CYBB: variants seen among roughly 807,000 people sequenced by gnomAD.
CYBB encodes the protein cytochrome b-245 beta chain, also known as NADPH oxidase 2.
Under a neutral mutation model 46.5 loss-of-function variants are expected in CYBB, and 5 were observed. The ratio of observed to expected loss-of-function variants is 0.11; its 90% CI spans 0.06 to 0.23. The LOEUF is 0.23. CYBB is among the 10% of genes least tolerant of loss of function. CYBB has a pLI of 1.00. For synonymous variants in CYBB, 183 were observed against 156.7 expected (o/e 1.17, Z -1.26); for missense variants, 307 against 428.3 (o/e 0.72, Z 2.50).
chrX:37,806,357 A>G, intron 10 of CYBB, 30 bp from the exon 11 acceptor site: 1 of 1,206,408 alleles, frequency 8.3e-7, no homozygotes, highest in South Asian at 1.8e-5. Flanking sequence ...TGCCAAATAT[A>G]ATCTGCTTCA....
chrX:37,780,900 G>A (rs1439533921), intron 1 of CYBB, among the ~76,000 whole-genome samples: 1 of 111,213 alleles, frequency 9.0e-6, no homozygotes, highest in Non-Finnish European at 1.9e-5. Context: ...ATAGAAATAC[G>A]ATTTTTAAAT....
Position 37,783,517 on chromosome X carries a change from G to T in CYBB, c.169G>T (p.Ala57Ser), listed in dbSNP as rs1928998515. Reference protein sequence around the residue: ...GSALALARAPAACLNFNCMLI... With the variant: ...GSALALARAPSACLNFNCMLI... ...AGCACTGGCACTGGCCAGGGCCCCTGCAGCCTGCCTGAATTTCAACTGCAT... is the reference window on the plus strand; with the variant it reads ...AGCACTGGCACTGGCCAGGGCCCCTTCAGCCTGCCTGAATTTCAACTGCAT... The change falls in exon 3 of 13, where the codon GCA becomes TCA. Residue 57 changes from alanine to serine, a missense_variant. Transcript: ENST00000378588. The T allele has an allele frequency of 1.7e-6, 2 of 1,209,452 alleles. No homozygotes were observed. The highest frequency in any genetic ancestry group is 2.2e-6 in the Non-Finnish European group (2 of 893,430).
At chrX:37,790,992 T>C (rs1929186772) in intron 3 of CYBB, among the ~76,000 whole-genome samples, 1 of 111,676 alleles carries the variant, frequency 9.0e-6, no homozygotes, top group East Asian at 2.8e-4. Context: ...CTTTGAGCAT[T>C]GGCACGAATT....
chrX:37,804,830 C>T (rs928485811), intron 9 of CYBB, among the ~76,000 whole-genome samples, 176 bp from the exon 10 acceptor site: 1 of 111,633 alleles, frequency 9.0e-6, no homozygotes, highest in Non-Finnish European at 1.9e-5. Flanking sequence ...ACTTCCAAAC[C>T]CAACGTTGGC....
intron 3 of CYBB, among the ~76,000 whole-genome samples, chrX:37,783,880 A>G (rs971286695): frequency 9.0e-6 from 1 of 111,436 alleles, no homozygotes; most frequent in Non-Finnish European, 1.9e-5. Context: ...ACACACACAT[A>G]TATATATGAT....
In CYBB at chrX:37,787,331, C is replaced by T. The variant is rs946759232; in HGVS notation, c.252+3731C>T. Among the ~76,000 whole-genome samples the T allele has an allele frequency of 4.5e-5, 5 of 111,950 alleles. No individual in the cohort carries two copies. The South Asian group carries it at 1.1e-3, about 25-fold the overall frequency. ...ATCTAAATCAGATACATTGATGGTG[C>T]GTGTGGTGAGATCAAGTGTACAAAA... On this transcript the variant is annotated intron_variant, in intron 3 of 12. Coordinates refer to ENST00000378588, the MANE Select transcript of CYBB (RefSeq NM_000397.4).
chrX:37,808,479 A>G (rs1188098725), intron 11 of CYBB, among the ~76,000 whole-genome samples: 2 of 112,188 alleles, frequency 1.8e-5, no homozygotes, highest in East Asian at 2.8e-4. Context: ...ATACATAGAC[A>G]TTGACTCCAC....
At chrX:37,780,542 G>A (rs1556464231) in intron 1 of CYBB, among the ~76,000 whole-genome samples, 1 of 110,693 alleles carries the variant, frequency 9.0e-6, no homozygotes. Context: ...TGGGAAGTAG[G>A]CCTTTATTTC....
chrX:37,791,901 G>A (rs1929204794), intron 3 of CYBB, 74 bp from the exon 4 acceptor site: 1 of 730,767 alleles, frequency 1.4e-6, no homozygotes, highest in Non-Finnish European at 2.2e-6. Flanking sequence ...GAGATAATAT[G>A]TATCAAATGT....
chrX:37,802,044 G>A (rs782130158), intron 8 of CYBB, among the ~76,000 whole-genome samples: 1 of 111,775 alleles, frequency 8.9e-6, no homozygotes, highest in East Asian at 2.8e-4. Flanking sequence ...GAAACACTAG[G>A]AAAGTCTATC....
chrX:37,797,658 C>T (rs782476614), intron 6 of CYBB, among the ~76,000 whole-genome samples: 4 of 112,110 alleles, frequency 3.6e-5, no homozygotes, highest in African/African-American at 1.3e-4. Flanking sequence ...TGGACTCTTA[C>T]TTTGTGTCTG....
rs1929625784 is a variant in CYBB at position 37,809,460 on chromosome X, A to G, written c.1462-107A>G. The G allele has an allele frequency of 5.4e-6, 5 of 918,698 alleles. No homozygotes were observed. The East Asian group carries it at 1.0e-4, about 19-fold the overall frequency. The allele number at this position is 918,698 out of a possible 1,213,427, so 75.7% of individuals were successfully genotyped here. A position where few individuals can be genotyped will look rare whatever the true frequency, so the allele number is the denominator to read the frequency against. ...TATTTATCTTTGTTTACCTTTCAGC[A>G]TCCAGCAGGGTGCCTTGGTTAGAAT... On this transcript the variant is annotated intron_variant, in intron 11 of 12. Coordinates refer to ENST00000378588, the MANE Select transcript of CYBB (RefSeq NM_000397.4).
rs113823228 is a variant in CYBB at position 37,803,512 on chromosome X, A to C, written c.898-365A>C. On this transcript the variant is annotated intron_variant, in intron 8 of 12. Transcript: ENST00000378588. ...GTTTCTAAGGAATTCTATAAGAGAT[A>C]AACCTGGAAAGGAAGTAAGAAAGGC... Among the ~76,000 whole-genome samples the C allele has an allele frequency of 3.6e-5, 4 of 111,766 alleles. No individual in the cohort carries two copies. The Admixed American group carries it at 3.8e-4, about 11-fold the overall frequency.
In CYBB at chrX:37,801,586, T is replaced by TTG. The variant is rs58302662; in HGVS notation, c.897+280_897+281dup. ...TCTGGACATCAATCTCCCCCACCCA[T>TTG]TGTGTGTGTGTGTGTGTGTGTGTGT... On this transcript the variant is annotated intron_variant, in intron 8 of 12. Coordinates refer to ENST00000378588, the MANE Select transcript of CYBB (RefSeq NM_000397.4). 0.099 allele frequency among the ~76,000 whole-genome samples: 8,378 copies of TTG among 84,210 alleles called. 356 individuals are homozygous for TTG. The highest frequency in any genetic ancestry group is 0.19 in the African/African-American group (4,071 of 20,922). The allele number at this position is 84,210 out of a possible 115,157, so 73.1% of individuals were successfully genotyped here. A position where few individuals can be genotyped will look rare whatever the true frequency, so the allele number is the denominator to read the frequency against.
chrX:37,786,945 T>C (rs1556465697), intron 3 of CYBB, among the ~76,000 whole-genome samples: 1 of 110,898 alleles, frequency 9.0e-6, no homozygotes, highest in East Asian at 2.8e-4. Flanking sequence ...CTAACACAAA[T>C]GTAAGAAGGC....
Position 37,810,679 on chromosome X carries a change from G to A in CYBB, c.1587-112G>A, listed in dbSNP as rs1241669771. The stretch of plus-strand genomic sequence containing the variant: ...TTTGCTATTTGTGGAAAAGAAAAAG[G>A]AGCAGAGGGGACTCTGCCCTGGGGC... On this transcript the variant is annotated intron_variant, in intron 12 of 12. Coordinates refer to ENST00000378588, the MANE Select transcript of CYBB (RefSeq NM_000397.4). 12 of 750,421 alleles carry A rather than the reference G, an allele frequency of 1.6e-5. No homozygotes were observed. In the Admixed American group the frequency reaches 2.1e-4, roughly 13 times the overall value. The allele number at this position is 750,421 out of a possible 1,213,427, so 61.8% of individuals were successfully genotyped here.
chrX:37,803,372 T>C (rs1367600482), intron 8 of CYBB, among the ~76,000 whole-genome samples: 1 of 110,950 alleles, frequency 9.0e-6, no homozygotes, highest in Admixed American at 9.6e-5. Context: ...GAAACATCAG[T>C]TTTTGTAAAT....
intron 11 of CYBB, 112 bp downstream of exon 11, chrX:37,806,645 G>T: frequency 1.4e-6 from 1 of 721,869 alleles, no homozygotes; most frequent in East Asian, 3.5e-5. Flanking sequence ...ATGTTTAGTG[G>T]ATTTGGTGAT....
At chrX:37,793,515 G>A (rs1929239019) in intron 4 of CYBB, 150 bp from the exon 5 acceptor site, 1 of 559,916 alleles carries the variant, frequency 1.8e-6, no homozygotes, top group East Asian at 3.5e-5. Flanking sequence ...CCTTGGTTCT[G>A]GAGACCCAGT....
Sources: gnomAD v4.1 joint callset for allele counts (sites outside exome capture counted in the v4.1 genomes callset) on GRCh38, gnomAD v4.1.1 for gene constraint, MANE v1.5 for transcripts, NCBI Gene and HGNC (gene_info 2026-07-23, HGNC 2026-07-21) for gene names.